Variants in HDGF observed in about 807,000 individuals in gnomAD.
HDGF encodes heparin binding growth factor, also known as hepatoma-derived growth factor.
A neutral mutation model predicts 30.0 loss-of-function variants in HDGF; 5 were observed. The ratio of observed to expected loss-of-function variants is 0.17; its 90% CI spans 0.09 to 0.35. The LOEUF (loss-of-function observed/expected upper bound fraction) is 0.35. Ranked by LOEUF, HDGF falls within the 10% of genes least tolerant of loss-of-function variation. The pLI, the probability that HDGF is intolerant of heterozygous loss-of-function variation, is 1.00. For missense variants in HDGF, 214 were observed against 302.8 expected (o/e 0.71, Z 2.18); for synonymous variants, 133 against 112.7 (o/e 1.18, Z -1.14).
intron 1 of HDGF, among the ~76,000 whole-genome samples, chr1:156,761,232 C>T (rs1158388820): frequency 4.6e-5 from 7 of 151,370 alleles, no homozygotes; most frequent in African/African-American, 1.5e-4. Flanking sequence ...ATTGCTTGAA[C>T]ATAGGAGGTG....
upstream of HDGF, among the ~76,000 whole-genome samples, chr1:156,756,159 G>A (rs557312493): frequency 3.3e-5 from 5 of 152,270 alleles, no homozygotes; most frequent in South Asian, 8.3e-4. Flanking sequence ...GGCTGAGGTG[G>A]GAGAATCGCC....
Position 156,751,041 on chromosome 1 carries a change from T to TG in HDGF, c.87+301dup, listed in dbSNP as rs1650939085. ...TCGAAACCTCTGGGAGTATGGGGGCTGGGGGCGGAACTGAGCACGCGGAGC... is the reference window on the plus strand; with the variant it reads ...TCGAAACCTCTGGGAGTATGGGGGCTGGGGGGCGGAACTGAGCACGCGGAGC... On this transcript the variant is annotated intron_variant, in intron 1 of 5. Transcript: ENST00000357325. The surrounding 1 kb of genome is among the most constrained non-coding windows in gnomAD (Gnocchi z 4.7). 7.0e-6 allele frequency among the ~76,000 whole-genome samples: 1 copy of TG among 143,086 alleles called. No individual in the cohort carries two copies. The highest frequency in any genetic ancestry group is 2.3e-4 in the South Asian group (1 of 4,424). 93.9% of individuals were successfully genotyped at this position (143,086 alleles called of 152,430 possible).
At chr1:156,744,978 A>AG (rs780375302) in intron 3 of HDGF, 30 bp downstream of exon 3, 12 of 1,612,772 alleles carry the variant, frequency 7.4e-6, no homozygotes, top group Middle Eastern at 1.7e-4. Context: ...TCTGCTTTCC[A>AG]GGGGGTCTCT....
chr1:156,751,723 C>CG (rs2102730373), upstream of HDGF: 1 of 1,186,696 alleles, frequency 8.4e-7, no homozygotes, highest in South Asian at 2.9e-5. The surrounding 1 kb of genome is among the most constrained non-coding windows in gnomAD (Gnocchi z 4.7). Flanking sequence ...CTCCACCCCC[C>CG]GCCCGGTCCC....
In HDGF at chr1:156,751,476, G is replaced by C. The variant is rs547861757; in HGVS notation, c.-47C>G. 1.4e-6 allele frequency: 2 copies of C among 1,430,026 alleles called. No individual in the cohort carries two copies. The highest frequency in any genetic ancestry group is 4.9e-5 in the Admixed American group (2 of 41,006). 88.6% of individuals were successfully genotyped at this position (1,430,026 alleles called of 1,614,324 possible). The stretch of plus-strand genomic sequence containing the variant: ...GGCTCCGCGCCGGGCCGGGAAGCGC[G>C]AGCCCAAGTTTGCGCGTGCGGCGGT... On this transcript the variant is annotated 5_prime_UTR_variant, in exon 1 of 6. Coordinates refer to ENST00000357325, the MANE Select transcript of HDGF (RefSeq NM_004494.3). The surrounding 1 kb of genome is among the most constrained non-coding windows in gnomAD (Gnocchi z 4.7).
intron 1 of HDGF, among the ~76,000 whole-genome samples, chr1:156,766,304 C>A (rs1158440109): frequency 6.6e-6 from 1 of 152,156 alleles, no homozygotes; most frequent in Non-Finnish European, 1.5e-5. Context: ...CAGCCTCCTC[C>A]CAAAACCTCA....
chr1:156,743,871 G>C lies in HDGF; in HGVS notation c.497C>G (p.Pro166Arg). The stretch of plus-strand genomic sequence containing the variant: ...GTTTTCTGCCTCCTTGGGACGTTTA[G>C]GAGAGTCCTAGGCAGGATCAACAGA... Reference protein sequence around the residue: ...RRAGDLLEDSPKRPKEAENPE... With the variant: ...RRAGDLLEDSRKRPKEAENPE... Residue 166 changes from proline (P) to arginine (R), a missense_variant, in exon 5 of 6, where the codon CCT becomes CGT. Pro to Arg is a moderately radical substitution (Grantham distance 103, BLOSUM62 -2). Transcript: ENST00000357325. 6.2e-7 allele frequency: 1 copy of C among 1,612,842 alleles called. No homozygotes were observed. Among genetic ancestry groups the C allele is most frequent in the Non-Finnish European group, 8.5e-7 (1 of 1,178,938 alleles).
rs1650241541 is a variant in HDGF at position 156,743,066 on chromosome 1, CCT to C, written c.*381_*382del. 2 of 190,022 alleles carry C rather than the reference CCT, an allele frequency of 1.1e-5. No individual in the cohort carries two copies. The highest frequency in any genetic ancestry group is 2.3e-5 in the African/African-American group (1 of 42,754). 11.8% of individuals were successfully genotyped at this position (190,022 alleles called of 1,614,324 possible). ...ATGCTCCATCCTTTCCATTCCTACCCCTGATCCCAACCCAGAGGTCCAGAATG... is the reference window on the plus strand; with the variant it reads ...ATGCTCCATCCTTTCCATTCCTACCCGATCCCAACCCAGAGGTCCAGAATG... On this transcript the variant is annotated 3_prime_UTR_variant, in exon 6 of 6. Coordinates refer to ENST00000357325, the MANE Select transcript of HDGF (RefSeq NM_004494.3).
At chr1:156,744,401 C>A (rs1650367364) in intron 3 of HDGF, 53 bp from the exon 4 acceptor site, 1 of 1,603,662 alleles carries the variant, frequency 6.2e-7, no homozygotes, top group Admixed American at 1.7e-5. Flanking sequence ...CATGCTGGGC[C>A]CCCTCCCCAG....
In HDGF at chr1:156,751,503, G is replaced by A; in HGVS notation, c.-74C>T. The A allele has an allele frequency of 8.3e-7, 1 of 1,206,052 alleles. No homozygotes were observed. Among genetic ancestry groups the A allele is most frequent in the Non-Finnish European group, 1.0e-6 (1 of 961,722 alleles). 74.7% of individuals were successfully genotyped at this position (1,206,052 alleles called of 1,614,324 possible). ...GCCCAAGTTTGCGCGTGCGGCGGTG[G>A]CGGCGCCGCTCCGCTCCGGCCCTCG... is the stretch of plus-strand genomic sequence containing the variant. On this transcript the variant is annotated 5_prime_UTR_variant, in exon 1 of 6. Transcript: ENST00000357325. This position sits in a 1 kb window ranked among gnomAD's most constrained non-coding sequence, Gnocchi z 4.7.
rs562819815 is a variant in HDGF, at chr1:156,746,143, A to G, written c.88-770T>C. Among the ~76,000 whole-genome samples the G allele has an allele frequency of 3.3e-5, 5 of 152,278 alleles. No individual in the cohort carries two copies. In the East Asian group the frequency reaches 7.7e-4, roughly 24 times the overall value. ...TCACTCCTGGCCTGGCCGACTCCCTAGGTAAAACTCTTTCCTAAGACTTCC... is the reference window on the plus strand; with the variant it reads ...TCACTCCTGGCCTGGCCGACTCCCTGGGTAAAACTCTTTCCTAAGACTTCC... On this transcript the variant is annotated intron_variant, in intron 1 of 5. Transcript: ENST00000357325.
In HDGF at chr1:156,745,064, T is replaced by C; in HGVS notation, c.247A>G (p.Ser83Gly). 6.2e-7 allele frequency: 1 copy of C among 1,614,102 alleles called. No homozygotes were observed. The highest frequency in any genetic ancestry group is 8.5e-7 in the Non-Finnish European group (1 of 1,180,032). ...TTCTCGATCTCCCACAGCCCCTCGC[T>C]GAACCCTTTCCTCTTGTTGGGCTTG... ...FGKPNKRKGF[S>G]EGLWEIENNP... The change falls in exon 3 of 6, where the codon AGC (serine) becomes GGC (glycine). Residue 83 changes from serine (S) to glycine (G), a missense_variant. By Grantham distance (56) the Ser-to-Gly change is moderately conservative. Coordinates refer to ENST00000357325, the MANE Select transcript of HDGF (RefSeq NM_004494.3).
intron 1 of HDGF, among the ~76,000 whole-genome samples, chr1:156,765,468 C>CTTTTTTTTTTTTTT: frequency 1.2e-5 from 1 of 86,374 alleles, no homozygotes; most frequent in Non-Finnish European, 2.5e-5. Flanking sequence ...TTCTTTCTTT[C>CTTTTTTTTTTTTTT]TTTCTTTTTT....
chr1:156,765,629 C>T (rs1651349003), intron 1 of HDGF, among the ~76,000 whole-genome samples: 1 of 151,520 alleles, frequency 6.6e-6, no homozygotes, highest in Non-Finnish European at 1.5e-5. Flanking sequence ...CGCCCGCCAC[C>T]ACACCATGCT....
chr1:156,756,909 C>T (rs758174794), upstream of HDGF, among the ~76,000 whole-genome samples: 25 of 151,176 alleles, frequency 1.7e-4, no homozygotes, highest in Admixed American at 3.3e-4. Context: ...TCTCCCACCA[C>T]GGCCTCCTGA....
intron 1 of HDGF, among the ~76,000 whole-genome samples, chr1:156,763,417 T>A (rs930741405): frequency 1.3e-5 from 2 of 151,478 alleles, no homozygotes; most frequent in African/African-American, 4.9e-5. Context: ...GGTTTCATCA[T>A]GTTGGCCAGG....
chr1:156,762,781 A>G (rs1214788376), intron 1 of HDGF, among the ~76,000 whole-genome samples: 1 of 152,030 alleles, frequency 6.6e-6, no homozygotes, highest in Non-Finnish European at 1.5e-5. Flanking sequence ...CTGAGGCAGG[A>G]GAATTGCTTG....
chr1:156,767,184 A>G (rs113344956), upstream of HDGF, among the ~76,000 whole-genome samples: 4 of 152,042 alleles, frequency 2.6e-5, no homozygotes, highest in African/African-American at 9.7e-5. Context: ...AGTTTCTAAG[A>G]GCATCATATC....
chr1:156,766,125 C>G (rs760361126), intron 1 of HDGF, among the ~76,000 whole-genome samples: 1 of 152,174 alleles, frequency 6.6e-6, no homozygotes, highest in African/African-American at 2.4e-5. Flanking sequence ...CTCTAAGGAG[C>G]CTTCATGGAG....
Sources: allele counts gnomAD v4.1 joint callset (sites outside exome capture counted in the v4.1 genomes callset), GRCh38; gene constraint gnomAD v4.1.1; non-coding constraint Gnocchi (gnomAD v3.1); transcripts MANE v1.5; gene names NCBI Gene and HGNC (gene_info 2026-07-23, HGNC 2026-07-21).